POLN: variants seen among roughly 807,000 people sequenced by gnomAD.
The protein encoded by POLN is DNA polymerase N.
A neutral mutation model predicts 113.5 loss-of-function variants in POLN; 108 were observed. That is an observed-to-expected ratio of 0.95 (90% confidence interval 0.81 to 1.12). POLN has a LOEUF of 1.12. Among genes scored for constraint, POLN ranks in the 50% most tolerant of loss-of-function variants. The pLI, the probability that POLN is intolerant of heterozygous loss-of-function variation, is 0.00. For missense variants in POLN, 1,097 were observed against 1,077.1 expected, an observed-to-expected ratio of 1.02 and a Z score of -0.26; for synonymous variants, 386 against 391.5, an observed-to-expected ratio of 0.99 and a Z score of 0.17.
intron 19 of POLN, among the ~76,000 whole-genome samples, chr4:2,107,422 A>C (rs1259608517): frequency 6.6e-6 from 1 of 152,070 alleles, no homozygotes; most frequent in East Asian, 1.9e-4. Context: ...TTCATGTGTG[A>C]TCTTGCTGTT....
chr4:2,235,578 T>C (rs1346292012), intron 2 of POLN, among the ~76,000 whole-genome samples: 1 of 152,236 alleles, frequency 6.6e-6, no homozygotes, highest in Non-Finnish European at 1.5e-5. Flanking sequence ...TATATAGCTT[T>C]ACGTGTATCA....
intron 19 of POLN, among the ~76,000 whole-genome samples, chr4:2,113,295 G>A (rs566064307): frequency 6.0e-4 from 90 of 150,294 alleles, no homozygotes; most frequent in African/African-American, 2.0e-3. Context: ...TAAATGACGA[G>A]TTAATGGGTG....
chr4:2,169,271 C>T (rs1027807065), intron 13 of POLN, among the ~76,000 whole-genome samples: 2 of 152,166 alleles, frequency 1.3e-5, no homozygotes, highest in Non-Finnish European at 2.9e-5. Flanking sequence ...AGGGCAGTAA[C>T]GTGACTTTTC....
At chr4:2,125,869 G>C (rs1394707650) in intron 19 of POLN, among the ~76,000 whole-genome samples, 1 of 152,202 alleles carries the variant, frequency 6.6e-6, no homozygotes, top group Non-Finnish European at 1.5e-5. Flanking sequence ...CACTGGCAGA[G>C]CTGTGAGTGA....
chr4:2,241,900 C>T (rs1208834344), intron 1 of POLN, 110 bp from the exon 2 acceptor site: 26 of 985,386 alleles, frequency 2.6e-5, no homozygotes, highest in Middle Eastern at 5.2e-4. Context: ...CCCAGCGGAC[C>T]GGGCCCTGAT....
At chr4:2,209,394 G>A (rs999186524) in intron 4 of POLN, among the ~76,000 whole-genome samples, 2 of 149,862 alleles carry the variant, frequency 1.3e-5, no homozygotes, top group African/African-American at 2.5e-5. Flanking sequence ...GCAGAGAATC[G>A]CTTGAACCTG....
intron 5 of POLN, among the ~76,000 whole-genome samples, chr4:2,198,977 C>T (rs1733647461): frequency 6.6e-6 from 1 of 152,030 alleles, no homozygotes; most frequent in Non-Finnish European, 1.5e-5. Context: ...GCAAACACAT[C>T]AGAAAGGAAG....
chr4:2,200,733 C>T (rs1198445529), intron 5 of POLN, among the ~76,000 whole-genome samples: 1 of 152,158 alleles, frequency 6.6e-6, no homozygotes, highest in Non-Finnish European at 1.5e-5. Context: ...AGTCCTAGAC[C>T]TTCCCTCTGA....
rs758425624 is a variant in POLN at position 2,207,986 on chromosome 4, C to T, written c.714+1G>A. On this transcript the variant is annotated splice_donor_variant, in intron 5 of 25. Transcript: ENST00000511885. LOFTEE classifies it high-confidence loss of function. ...AAATAAAAACATCACTGTTTACTAA[C>T]CTGGTCAGCTCCTAGCTGGGTGGAA... 8.8e-6 allele frequency: 14 copies of T among 1,591,808 alleles called. No homozygotes were observed. The highest frequency in any genetic ancestry group is 1.1e-5 in the Non-Finnish European group (13 of 1,172,086).
chr4:2,197,813 T>C (rs1285491478), intron 6 of POLN, among the ~76,000 whole-genome samples: 1 of 152,148 alleles, frequency 6.6e-6, no homozygotes, highest in African/African-American at 2.4e-5. Flanking sequence ...CCCAACTTCC[T>C]CCGGAGCTGC....
At chr4:2,196,638 GAA>G (rs200934370) in intron 6 of POLN, among the ~76,000 whole-genome samples, 7 of 117,636 alleles carry the variant, frequency 6.0e-5, no homozygotes, top group African/African-American at 9.4e-5. Context: ...TGTGGCTCTG[GAA>G]AAAAAAAAAA....
chr4:2,236,544 G>A, intron 2 of POLN: 1 of 864,494 alleles, frequency 1.2e-6, no homozygotes, highest in Non-Finnish European at 1.8e-6. Flanking sequence ...GGGCATTTGT[G>A]GGGATAGCTA....
intron 16 of POLN, among the ~76,000 whole-genome samples, chr4:2,132,986 T>C (rs1731762591): frequency 6.6e-6 from 1 of 152,100 alleles, no homozygotes; most frequent in Admixed American, 6.6e-5. Flanking sequence ...TTGCATCTTA[T>C]TTGAAGTGGT....
chr4:2,124,048 G>A (rs943979156), intron 19 of POLN, among the ~76,000 whole-genome samples: 4 of 152,068 alleles, frequency 2.6e-5, no homozygotes, highest in Non-Finnish European at 5.9e-5. Flanking sequence ...CCTACAGCAT[G>A]GATAAACCTT....
intron 19 of POLN, among the ~76,000 whole-genome samples, chr4:2,113,167 A>G (rs1406620995): frequency 6.9e-6 from 1 of 145,174 alleles, no homozygotes; most frequent in East Asian, 2.1e-4. Context: ...GTTCTCACTC[A>G]TAGGTGGGAA....
intron 4 of POLN, among the ~76,000 whole-genome samples, chr4:2,212,090 G>A (rs529606093): frequency 6.6e-6 from 1 of 152,042 alleles, no homozygotes; most frequent in South Asian, 2.1e-4. Flanking sequence ...TTACTATAGG[G>A]CATTTAGGTT....
intron 8 of POLN, among the ~76,000 whole-genome samples, chr4:2,176,634 G>C (rs1271787393): frequency 6.6e-6 from 1 of 152,144 alleles, no homozygotes; most frequent in Non-Finnish European, 1.5e-5. Flanking sequence ...TAATGTCTCA[G>C]GTACAATGAT....
At chr4:2,089,143 A>T in intron 20 of POLN, 2 of 1,287,394 alleles carry the variant, frequency 1.6e-6, no homozygotes, top group African/African-American at 2.9e-5. Context: ...CCTAAGATCA[A>T]TATTTGAATC....
intron 3 of POLN, among the ~76,000 whole-genome samples, chr4:2,224,950 T>A (rs1229500708): frequency 4.6e-5 from 7 of 151,038 alleles, no homozygotes; most frequent in Non-Finnish European, 4.4e-5. Context: ...AACTCTGTCT[T>A]GGGAAAAAAA....
Sources: gnomAD v4.1 joint callset for allele counts (sites outside exome capture counted in the v4.1 genomes callset) on GRCh38, gnomAD v4.1.1 for gene constraint, MANE v1.5 for transcripts, NCBI Gene and HGNC (gene_info 2026-07-23, HGNC 2026-07-21) for gene names.